The following TENM3 variants were observed in gnomAD, a reference collection of about 807,000 sequenced individuals.
TENM3 encodes teneurin transmembrane protein 3.
In TENM3, 63 loss-of-function variants were observed where a neutral mutation model predicts 255.1. The ratio of observed to expected loss-of-function variants is 0.25; its 90% CI spans 0.20 to 0.30. TENM3 has a LOEUF of 0.30. Among genes scored for constraint, TENM3 ranks in the 10% least tolerant of loss-of-function variants. The probability of loss-of-function intolerance (pLI) is 1.00; values close to 1 mark genes in which losing one functional copy is unlikely to be tolerated. For missense variants in TENM3, 2,929 were observed against 3,461.1 expected (o/e 0.85, Z 3.86); for synonymous variants, 1,306 against 1,322.3 (o/e 0.99, Z 0.27).
chr4:181,602,924 G>C, the TENM3 span, among the ~76,000 whole-genome samples: 2 of 152,112 alleles, frequency 1.3e-5, no homozygotes, highest in Non-Finnish European at 2.9e-5. Flanking sequence ...AAAAGAAGAA[G>C]AATCAGAAAT....
the TENM3 span, among the ~76,000 whole-genome samples, chr4:182,104,487 G>A: frequency 1.3e-5 from 2 of 149,108 alleles, no homozygotes; most frequent in East Asian, 3.9e-4. Context: ...ATCATCCAGG[G>A]TTATCACTGT....
the TENM3 span, among the ~76,000 whole-genome samples, chr4:181,616,085 C>G: frequency 1.3e-5 from 2 of 151,760 alleles, no homozygotes; most frequent in Non-Finnish European, 2.9e-5. Context: ...TAAATAACAA[C>G]ACAAATGCAA....
chr4:182,728,091 T>G (rs1760373895), intron 13 of TENM3, among the ~76,000 whole-genome samples: 1 of 152,078 alleles, frequency 6.6e-6, no homozygotes, highest in African/African-American at 2.4e-5. Context: ...TCAGGTGATA[T>G]GCCCACCTCA....
At chr4:182,649,120 G>A (rs1225737588) in intron 5 of TENM3, among the ~76,000 whole-genome samples, 1 of 134,292 alleles carries the variant, frequency 7.4e-6, no homozygotes, top group African/African-American at 2.5e-5. Context: ...ATGCACTGGG[G>A]ACTTCACCAC....
chr4:181,794,532 C>T, the TENM3 span, among the ~76,000 whole-genome samples: 2 of 152,080 alleles, frequency 1.3e-5, no homozygotes, highest in Admixed American at 1.3e-4. Context: ...CAAGTGAGAT[C>T]CTGCAGTATT....
rs768900941 is a variant in TENM3, at chr4:182,774,908, T to C, written c.5069-10T>C. The C allele has an allele frequency of 6.3e-6, 10 of 1,589,380 alleles. No individual in the cohort carries two copies. Among genetic ancestry groups the C allele is most frequent in the Admixed American group, 1.7e-5 (1 of 59,076 alleles). Reference sequence around the variant, plus strand: ...CTAATAGTTCATGTTTTGTGCTTCTTGTTCTTTAGATCAGTTAAGAAACAG... The same window carrying C: ...CTAATAGTTCATGTTTTGTGCTTCTCGTTCTTTAGATCAGTTAAGAAACAG... On this transcript the variant is annotated splice_polypyrimidine_tract_variant and intron_variant, in intron 23 of 27. Coordinates refer to ENST00000511685, the MANE Select transcript of TENM3 (RefSeq NM_001080477.4).
At chr4:182,264,772 G>A (rs1759127909) in intron 1 of TENM3, among the ~76,000 whole-genome samples, 3 of 152,148 alleles carry the variant, frequency 2.0e-5, no homozygotes, top group Admixed American at 1.3e-4. Flanking sequence ...CACTTGGCAT[G>A]GCTAAAGTTG....
At chr4:182,554,634 T>A (rs1013890989) in intron 3 of TENM3, among the ~76,000 whole-genome samples, 2 of 152,176 alleles carry the variant, frequency 1.3e-5, no homozygotes, top group African/African-American at 4.8e-5. Flanking sequence ...AACCTTGTTT[T>A]ACAGATGAAA....
intron 3 of TENM3, among the ~76,000 whole-genome samples, chr4:182,559,117 A>G (rs1441079369): frequency 8.3e-6 from 1 of 121,196 alleles, no homozygotes; most frequent in South Asian, 2.7e-4. Context: ...TTTTCTCTTT[A>G]TTCCTCGGGA....
chr4:182,783,611 A>C (rs1016599533), intron 24 of TENM3, among the ~76,000 whole-genome samples: 2 of 147,628 alleles, frequency 1.4e-5, no homozygotes, highest in African/African-American at 5.0e-5. Context: ...CTGCCTTGCT[A>C]GATTGGGGAA....
At chr4:181,616,941 C>T in the TENM3 span, among the ~76,000 whole-genome samples, 1 of 152,110 alleles carries the variant, frequency 6.6e-6, no homozygotes, top group South Asian at 2.1e-4. Flanking sequence ...GTAAATAATG[C>T]TTTCTTTACC....
intron 3 of TENM3, among the ~76,000 whole-genome samples, chr4:182,435,957 G>A (rs1772010842): frequency 6.6e-6 from 1 of 151,464 alleles, no homozygotes; most frequent in South Asian, 2.1e-4. Context: ...AAAAAGAAAT[G>A]GCATATTATA....
chr4:181,648,258 A>G, the TENM3 span, among the ~76,000 whole-genome samples: 1 of 152,170 alleles, frequency 6.6e-6, no homozygotes, highest in African/African-American at 2.4e-5. Flanking sequence ...GCTAAACGCT[A>G]GAACATGGAG....
the TENM3 span, among the ~76,000 whole-genome samples, chr4:181,939,970 C>T: frequency 6.6e-6 from 1 of 152,168 alleles, no homozygotes; most frequent in Non-Finnish European, 1.5e-5. Context: ...AAGCAATTGA[C>T]TGAGTGGAGA....
In TENM3 at chr4:182,802,028, C is replaced by G. The variant is rs977910468; in HGVS notation, c.*1677C>G. 6.6e-6 allele frequency: 1 copy of G among 152,492 alleles called. No homozygotes were observed. The highest frequency in any genetic ancestry group is 6.6e-5 in the Admixed American group (1 of 15,266). 9.4% of individuals were successfully genotyped at this position (152,492 alleles called of 1,614,324 possible). A position where few individuals can be genotyped will look rare whatever the true frequency, so the allele number is the denominator to read the frequency against. On this transcript the variant is annotated 3_prime_UTR_variant, in exon 28 of 28. Transcript: ENST00000511685. Reference sequence around the variant, plus strand: ...GATAAAATATAGCAAGTGAACATGTCGTAAATATAAAGGTTCAAGTGATGT... The same window carrying G: ...GATAAAATATAGCAAGTGAACATGTGGTAAATATAAAGGTTCAAGTGATGT...
intron 3 of TENM3, among the ~76,000 whole-genome samples, chr4:182,476,772 G>A (rs1391208113): frequency 6.6e-6 from 1 of 152,148 alleles, no homozygotes; most frequent in East Asian, 1.9e-4. Context: ...AATGTTATAA[G>A]AACTTATTAT....
At chr4:181,945,171 G>T in the TENM3 span, among the ~76,000 whole-genome samples, 2 of 152,044 alleles carry the variant, frequency 1.3e-5, no homozygotes, top group Non-Finnish European at 2.9e-5. Flanking sequence ...GCAATGTAGG[G>T]CTTTGGAAAG....
intron 1 of TENM3, among the ~76,000 whole-genome samples, chr4:182,285,136 C>T (rs770872464): frequency 1.3e-5 from 2 of 152,054 alleles, no homozygotes; most frequent in Admixed American, 6.6e-5. Context: ...TACTTTCCAA[C>T]GCTTTGATGT....
intron 3 of TENM3, among the ~76,000 whole-genome samples, chr4:182,582,605 A>T (rs1005303724): frequency 4.0e-5 from 6 of 149,502 alleles, no homozygotes; most frequent in Non-Finnish European, 6.0e-5. Flanking sequence ...CTTATAACCA[A>T]CAAAACAAAA....
Sources: allele counts gnomAD v4.1 joint callset (sites outside exome capture counted in the v4.1 genomes callset), GRCh38; gene constraint gnomAD v4.1.1; transcripts MANE v1.5; gene names NCBI Gene and HGNC (gene_info 2026-07-23, HGNC 2026-07-21).